The following COG5 variants were observed in gnomAD, a reference collection of about 807,000 sequenced individuals.
The protein encoded by COG5 is component of oligomeric golgi complex 5, also known as conserved oligomeric Golgi complex subunit 5.
In COG5, 86 loss-of-function variants were observed where a neutral mutation model predicts 110.4. The observed-to-expected ratio is 0.78, with a 90% CI of 0.65 to 0.93. The LOEUF (loss-of-function observed/expected upper bound fraction) is 0.93, where lower values mean the gene tolerates loss of function less well. COG5 is among the 40% of genes least tolerant of loss of function. The pLI is 0.00. For missense variants in COG5, 1,077 were observed against 987.0 expected (o/e 1.09, Z -1.22); for synonymous variants, 360 against 334.6 (o/e 1.08, Z -0.83).
At chr7:107,392,358 A>C (rs922776676) in intron 7 of COG5, among the ~76,000 whole-genome samples, 7 of 152,128 alleles carry the variant, frequency 4.6e-5, no homozygotes, top group Non-Finnish European at 8.8e-5. Flanking sequence ...ACTTTTCCCC[A>C]AAAAAATGTT....
At chr7:107,273,193 C>T (rs1193964578) in intron 14 of COG5, among the ~76,000 whole-genome samples, 1 of 152,128 alleles carries the variant, frequency 6.6e-6, no homozygotes, top group Non-Finnish European at 1.5e-5. Flanking sequence ...GCCTTAGTTC[C>T]ATTTGCAAGG....
intron 7 of COG5, 53 bp from the exon 8 acceptor site, chr7:107,372,813 A>T: frequency 6.5e-7 from 1 of 1,546,646 alleles, no homozygotes. Context: ...AAAACAAACA[A>T]AATCAACATA....
chr7:107,394,936 G>A (rs1230210225), intron 7 of COG5, among the ~76,000 whole-genome samples: 1 of 151,952 alleles, frequency 6.6e-6, no homozygotes, highest in African/African-American at 2.4e-5. Flanking sequence ...ATAAAAGAAG[G>A]GCAACAAATT....
chr7:107,407,133 G>A (rs1791907715), intron 7 of COG5, among the ~76,000 whole-genome samples: 1 of 152,204 alleles, frequency 6.6e-6, no homozygotes, highest in Non-Finnish European at 1.5e-5. Context: ...TGTAATCCCA[G>A]CACTTTGGGA....
chr7:107,405,347 A>T (rs1340788657), intron 7 of COG5, among the ~76,000 whole-genome samples: 2 of 152,208 alleles, frequency 1.3e-5, no homozygotes, highest in African/African-American at 4.8e-5. Context: ...TTGCCTGCTG[A>T]CACAGCTGGA....
At chr7:107,501,312 C>A (rs1377389043) in intron 6 of COG5, among the ~76,000 whole-genome samples, 1 of 151,844 alleles carries the variant, frequency 6.6e-6, no homozygotes, top group Non-Finnish European at 1.5e-5. Context: ...TCCCTTAGAA[C>A]CAAGAAATAA....
intron 19 of COG5, among the ~76,000 whole-genome samples, chr7:107,211,963 C>T (rs2116212164): frequency 6.6e-6 from 1 of 152,300 alleles, no homozygotes. Context: ...AAGATGGCAG[C>T]AACATCTCTT....
intron 6 of COG5, among the ~76,000 whole-genome samples, chr7:107,416,185 A>T (rs1267734265): frequency 1.3e-5 from 2 of 151,912 alleles, no homozygotes; most frequent in South Asian, 2.1e-4. Context: ...TGTGTATCAG[A>T]AGACATGTAC....
chr7:107,304,894 C>T (rs1212229565), intron 11 of COG5, among the ~76,000 whole-genome samples: 1 of 152,140 alleles, frequency 6.6e-6, no homozygotes, highest in East Asian at 1.9e-4. Flanking sequence ...TTACTACATG[C>T]CAAATACTGT....
intron 16 of COG5, among the ~76,000 whole-genome samples, chr7:107,249,146 T>C (rs894190985): frequency 6.6e-6 from 1 of 152,156 alleles, no homozygotes; most frequent in African/African-American, 2.4e-5. Context: ...GCACAACAGT[T>C]GCGCATTTCA....
chr7:107,535,092 G>A (rs1801483988), intron 5 of COG5, among the ~76,000 whole-genome samples: 1 of 151,476 alleles, frequency 6.6e-6, no homozygotes. Context: ...CAAAATTAAG[G>A]CAGAAATAAA....
chr7:107,500,572 TATA>T (rs1473572211), intron 6 of COG5, among the ~76,000 whole-genome samples: 2 of 152,194 alleles, frequency 1.3e-5, no homozygotes, highest in African/African-American at 4.8e-5. Flanking sequence ...GTTTACCAGA[TATA>T]ATAATTTCAG....
intron 14 of COG5, among the ~76,000 whole-genome samples, chr7:107,271,083 T>G (rs1322854577): frequency 1.3e-5 from 2 of 151,850 alleles, no homozygotes; most frequent in African/African-American, 4.8e-5. Flanking sequence ...TTCCTCTTCT[T>G]AAAAAAGTGT....
intron 11 of COG5, among the ~76,000 whole-genome samples, chr7:107,318,961 A>G (rs763589345): frequency 9.9e-5 from 15 of 152,178 alleles, no homozygotes; most frequent in Non-Finnish European, 2.1e-4. Context: ...CTTGGCTCTG[A>G]AACTCCAATT....
At chr7:107,306,873 C>T (rs1036684729) in intron 11 of COG5, among the ~76,000 whole-genome samples, 10 of 152,284 alleles carry the variant, frequency 6.6e-5, no homozygotes, top group East Asian at 5.8e-4. Context: ...CAGGAACACA[C>T]GTCCAAGACC....
At chr7:107,473,967 A>T in intron 6 of COG5, 1 of 574,678 alleles carries the variant, frequency 1.7e-6, no homozygotes, top group Non-Finnish European at 3.0e-6. Context: ...TTTTTTTCTT[A>T]CAAAGAACAC....
At chr7:107,522,078 C>T (rs1357869356) in intron 6 of COG5, among the ~76,000 whole-genome samples, 3 of 152,116 alleles carry the variant, frequency 2.0e-5, no homozygotes, top group Non-Finnish European at 4.4e-5. Flanking sequence ...AACGAGAACA[C>T]TTGGACACAG....
intron 6 of COG5, among the ~76,000 whole-genome samples, chr7:107,484,840 G>T (rs1797561719): frequency 6.6e-6 from 1 of 150,862 alleles, no homozygotes; most frequent in African/African-American, 2.5e-5. Context: ...TCCAGGGATA[G>T]ATTCTTGAAT....
At chr7:107,207,987 T>C in intron 21 of COG5, 3 of 985,418 alleles carry the variant, frequency 3.0e-6, no homozygotes, top group Non-Finnish European at 3.6e-6. Flanking sequence ...TAAAACAAAT[T>C]TACTGACATT....
Sources: allele counts gnomAD v4.1 joint callset (sites outside exome capture counted in the v4.1 genomes callset), GRCh38; gene constraint gnomAD v4.1.1; transcripts MANE v1.5; gene names NCBI Gene and HGNC (gene_info 2026-07-23, HGNC 2026-07-21).